The following ARFIP1 variants were observed in gnomAD, a reference collection of about 807,000 sequenced individuals.
ARFIP1 encodes the protein arfaptin-1.
A neutral mutation model predicts 42.5 loss-of-function variants in ARFIP1; 24 were observed. The observed-to-expected ratio is 0.57, with a 90% CI of 0.41 to 0.80. ARFIP1 has a LOEUF of 0.80. Ranked by LOEUF, ARFIP1 falls within the 30% of genes least tolerant of loss-of-function variation. ARFIP1 has a pLI of 0.00. For missense variants in ARFIP1, 354 were observed against 434.0 expected, an observed-to-expected ratio of 0.82 and a Z score of 1.64; for synonymous variants, 141 against 153.7, an observed-to-expected ratio of 0.92 and a Z score of 0.61.
intron 2 of ARFIP1, among the ~76,000 whole-genome samples, chr4:152,838,873 T>C (rs1436492463): frequency 1.3e-5 from 2 of 152,162 alleles, no homozygotes. Flanking sequence ...TCAGAGAGAA[T>C]GCTTTCAACT....
At chr4:152,841,112 T>G (rs1270741861) in intron 2 of ARFIP1, among the ~76,000 whole-genome samples, 2 of 151,992 alleles carry the variant, frequency 1.3e-5, no homozygotes, top group Non-Finnish European at 1.5e-5. Flanking sequence ...CTCGGCTCAC[T>G]GCAACCTCCA....
At chr4:152,835,388 C>T (rs1345386287) in intron 2 of ARFIP1, among the ~76,000 whole-genome samples, 1 of 152,232 alleles carries the variant, frequency 6.6e-6, no homozygotes, top group East Asian at 1.9e-4. Context: ...GTTCAAACTT[C>T]CACAGATCCC....
chr4:152,801,471 C>G (rs1728412662), intron 1 of ARFIP1, among the ~76,000 whole-genome samples: 1 of 152,128 alleles, frequency 6.6e-6, no homozygotes, highest in Non-Finnish European at 1.5e-5. Flanking sequence ...GCTAGGATGG[C>G]TTTCCCTAGA....
chr4:152,836,165 C>T (rs1427005449), intron 2 of ARFIP1, among the ~76,000 whole-genome samples: 1 of 152,146 alleles, frequency 6.6e-6, no homozygotes, highest in African/African-American at 2.4e-5. Context: ...AGGATACAAA[C>T]CTGCAGTTGA....
intron 2 of ARFIP1, among the ~76,000 whole-genome samples, chr4:152,847,947 T>C (rs1053203199): frequency 6.6e-6 from 1 of 152,216 alleles, no homozygotes; most frequent in African/African-American, 2.4e-5. Context: ...AAAATGTCCA[T>C]ACACAAACCT....
At chr4:152,858,975 C>T (rs746417411) in intron 2 of ARFIP1, among the ~76,000 whole-genome samples, 5 of 152,184 alleles carry the variant, frequency 3.3e-5, no homozygotes, top group Admixed American at 2.0e-4. Flanking sequence ...GGAAATCTAA[C>T]GTTTTGAGAG....
At chr4:152,830,937 A>G (rs1578887764) in intron 2 of ARFIP1, among the ~76,000 whole-genome samples, 1 of 152,310 alleles carries the variant, frequency 6.6e-6, no homozygotes, top group Non-Finnish European at 1.5e-5. Context: ...AAGAACTAGT[A>G]TGTCTTCAAG....
At chr4:152,872,646 T>G in intron 5 of ARFIP1, 82 bp downstream of exon 5, 2 of 684,178 alleles carry the variant, frequency 2.9e-6, no homozygotes, top group Non-Finnish European at 4.7e-6. Context: ...TATGTTGCAA[T>G]TAAATGCACA....
chr4:152,830,844 T>G (rs1731196512), intron 2 of ARFIP1, among the ~76,000 whole-genome samples: 1 of 152,190 alleles, frequency 6.6e-6, no homozygotes, highest in Admixed American at 6.5e-5. Flanking sequence ...TGGTTGAGAA[T>G]TACTGTTATA....
intron 3 of ARFIP1, among the ~76,000 whole-genome samples, chr4:152,866,437 A>C (rs1354226928): frequency 6.6e-6 from 1 of 150,630 alleles, no homozygotes; most frequent in African/African-American, 2.4e-5. Context: ...ACTTCCCAGT[A>C]GGGGCGGCCG....
chr4:152,792,848 C>A (rs530075784), intron 1 of ARFIP1, among the ~76,000 whole-genome samples: 1 of 152,224 alleles, frequency 6.6e-6, no homozygotes, highest in African/African-American at 2.4e-5. Context: ...ATCAAAGCAG[C>A]TACAAAGAGT....
intron 8 of ARFIP1, among the ~76,000 whole-genome samples, chr4:152,905,552 T>TG (rs1738266562): frequency 9.2e-6 from 1 of 108,616 alleles, no homozygotes; most frequent in Admixed American, 9.9e-5. Flanking sequence ...ATTGTTTTTT[T>TG]TTTTTTTTTT....
intron 1 of ARFIP1, among the ~76,000 whole-genome samples, chr4:152,823,776 C>CAAAAAA (rs66556811): frequency 6.3e-5 from 4 of 63,142 alleles, no homozygotes; most frequent in Admixed American, 1.7e-4. Flanking sequence ...GTCTCCATCT[C>CAAAAAA]AAAAAAAAAA....
intron 2 of ARFIP1, among the ~76,000 whole-genome samples, chr4:152,841,220 G>C (rs1239985025): frequency 2.0e-5 from 3 of 151,960 alleles, no homozygotes; most frequent in African/African-American, 4.8e-5. Context: ...ATTTTTAGTA[G>C]AGATGGAGTT....
chr4:152,886,770 A>G (rs1431932790), intron 7 of ARFIP1, among the ~76,000 whole-genome samples: 4 of 151,934 alleles, frequency 2.6e-5, no homozygotes, highest in Non-Finnish European at 5.9e-5. Flanking sequence ...TTATAGCTCT[A>G]CTTTCTAACA....
intron 1 of ARFIP1, among the ~76,000 whole-genome samples, chr4:152,819,681 T>C (rs997984871): frequency 6.6e-6 from 1 of 152,122 alleles, no homozygotes; most frequent in African/African-American, 2.4e-5. Flanking sequence ...CTGCAGGCCT[T>C]GAATCCATGA....
At chr4:152,786,403 C>T (rs1288718905) in intron 1 of ARFIP1, among the ~76,000 whole-genome samples, 4 of 152,152 alleles carry the variant, frequency 2.6e-5, no homozygotes, top group East Asian at 3.8e-4. Context: ...ACACAATTAT[C>T]TTTTCATTGT....
chr4:152,806,761 A>T (rs1296753773), intron 1 of ARFIP1, among the ~76,000 whole-genome samples: 2 of 151,954 alleles, frequency 1.3e-5, no homozygotes, highest in Non-Finnish European at 1.5e-5. Context: ...AATTCTGTAC[A>T]ACTGGAATCA....
intron 2 of ARFIP1, among the ~76,000 whole-genome samples, chr4:152,858,906 G>A (rs13108850): frequency 6.6e-6 from 1 of 151,964 alleles, no homozygotes; most frequent in Non-Finnish European, 1.5e-5. Context: ...AGGAGCAAGC[G>A]CTGTAAATCT....
Sources: allele counts gnomAD v4.1 joint callset (sites outside exome capture counted in the v4.1 genomes callset), GRCh38; gene constraint gnomAD v4.1.1; transcripts MANE v1.5; gene names NCBI Gene and HGNC (gene_info 2026-07-23, HGNC 2026-07-21).